Variants in RIPOR2 observed in about 807,000 individuals in gnomAD.
RIPOR2 encodes the protein rho family-interacting cell polarization regulator 2.
In RIPOR2, 39 loss-of-function variants were observed where a neutral mutation model predicts 114.5. The ratio of observed to expected loss-of-function variants is 0.34; its 90% CI spans 0.26 to 0.44. The LOEUF (loss-of-function observed/expected upper bound fraction) is 0.44. Among genes scored for constraint, RIPOR2 ranks in the 20% least tolerant of loss-of-function variants. The pLI, the probability that RIPOR2 is intolerant of heterozygous loss-of-function variation, is 1.00. For missense variants in RIPOR2, 1,007 were observed against 1,255.1 expected, an observed-to-expected ratio of 0.80 and a Z score of 2.99; for synonymous variants, 445 against 484.4, an observed-to-expected ratio of 0.92 and a Z score of 1.07.
intron 1 of RIPOR2, among the ~76,000 whole-genome samples, chr6:24,921,700 T>C (rs1397596210): frequency 6.6e-6 from 1 of 151,576 alleles, no homozygotes; most frequent in Non-Finnish European, 1.5e-5. Context: ...GTCTATTGTC[T>C]GCCTCGCTTC....
chr6:24,918,504 C>T (rs1490295479), intron 1 of RIPOR2, among the ~76,000 whole-genome samples: 1 of 152,192 alleles, frequency 6.6e-6, no homozygotes, highest in African/African-American at 2.4e-5. Context: ...CAAAGATCTT[C>T]CCAAAGTTTA....
At chr6:24,939,548 G>A (rs1288269492), upstream of RIPOR2, among the ~76,000 whole-genome samples, 2 of 152,180 alleles carry the variant, frequency 1.3e-5, no homozygotes, top group African/African-American at 4.8e-5. Flanking sequence ...CTCAAAAATA[G>A]CTCAAAATAG....
intron 1 of RIPOR2, among the ~76,000 whole-genome samples, chr6:24,968,639 G>A (rs1773641239): frequency 6.6e-6 from 1 of 152,196 alleles, no homozygotes; most frequent in South Asian, 2.1e-4. Flanking sequence ...CAAGGATGCT[G>A]CTAAACAGTA....
chr6:24,942,342 G>T (rs936300249), intron 1 of RIPOR2, among the ~76,000 whole-genome samples: 3 of 152,044 alleles, frequency 2.0e-5, no homozygotes, highest in Non-Finnish European at 4.4e-5. Flanking sequence ...TTTGACATAC[G>T]ATTGACAAAA....
chr6:24,976,511 G>GTGAC, intron 1 of RIPOR2: 1 of 1,581,978 alleles, frequency 6.3e-7, no homozygotes, highest in Non-Finnish European at 8.7e-7. Context: ...AAACCAAGAA[G>GTGAC]TGACTGCTCA....
At chr6:24,868,948 C>G in intron 6 of RIPOR2, 146 bp downstream of exon 6, 1 of 542,846 alleles carries the variant, frequency 1.8e-6, no homozygotes, top group Non-Finnish European at 3.4e-6. Flanking sequence ...ATCTTTAGTG[C>G]CCACTTGATG....
At chr6:24,904,798 G>A (rs1000837668) in intron 1 of RIPOR2, among the ~76,000 whole-genome samples, 13 of 152,110 alleles carry the variant, frequency 8.5e-5, no homozygotes, top group South Asian at 2.1e-4. Context: ...TTTTGGAGAC[G>A]GAGTCTCGCT....
At chr6:24,849,338 G>T (rs1162347578) in intron 11 of RIPOR2, among the ~76,000 whole-genome samples, 1 of 152,162 alleles carries the variant, frequency 6.6e-6, no homozygotes, top group Non-Finnish European at 1.5e-5. Flanking sequence ...CAGTGCAGAG[G>T]AACTAAGGAT....
At chr6:24,848,287 T>C in intron 11 of RIPOR2, 133 bp from the exon 12 acceptor site, 1 of 887,550 alleles carries the variant, frequency 1.1e-6, no homozygotes, top group Non-Finnish European at 1.7e-6. Context: ...TGGTTTTAGC[T>C]AAACTGCTTT....
chr6:25,024,258 G>A (rs1233125395), intron 1 of RIPOR2: 4 of 1,542,420 alleles, frequency 2.6e-6, no homozygotes, highest in African/African-American at 1.4e-5. Context: ...CTGGATGGCC[G>A]GCCAGATGAA....
chr6:24,971,738 G>A (rs935746770), intron 1 of RIPOR2, among the ~76,000 whole-genome samples: 2 of 152,318 alleles, frequency 1.3e-5, no homozygotes, highest in Non-Finnish European at 2.9e-5. Flanking sequence ...AGATCCCAAC[G>A]CCGGCAGGCA....
chr6:24,896,312 AG>A (rs1381281507), intron 1 of RIPOR2, among the ~76,000 whole-genome samples: 1 of 152,236 alleles, frequency 6.6e-6, no homozygotes, highest in Non-Finnish European at 1.5e-5. Context: ...AAAATTATAT[AG>A]GTCAATTAAT....
chr6:25,026,316 A>G (rs1776621826), intron 1 of RIPOR2, among the ~76,000 whole-genome samples: 1 of 152,244 alleles, frequency 6.6e-6, no homozygotes, highest in African/African-American at 2.4e-5. Flanking sequence ...TGTCACGTGT[A>G]TAAATGAGAG....
Position 24,986,855 on chromosome 6 carries a change from GGAA to G in RIPOR2, c.76+54993_76+54995del, listed in dbSNP as rs776644963. ...TCTTTTGGCTTCCCTGGGCCACACT[GGAA>G]GAAGAAGAATTGTCTTGGGCCACAC... On this transcript the variant is annotated intron_variant, in intron 1 of 13. Transcript: ENST00000510784. Among the ~76,000 whole-genome samples, 9 of 151,866 alleles carry G rather than the reference GGAA, an allele frequency of 5.9e-5. No homozygotes were observed. The East Asian group carries it at 1.2e-3, about 20-fold the overall frequency.
intron 1 of RIPOR2, among the ~76,000 whole-genome samples, chr6:24,928,873 CT>C (rs1259183380): frequency 6.6e-6 from 1 of 152,188 alleles, no homozygotes; most frequent in Non-Finnish European, 1.5e-5. Flanking sequence ...TGTGTTCTCT[CT>C]TCCTCAGTTT....
chr6:25,016,053 G>A (rs1057152015), intron 1 of RIPOR2, among the ~76,000 whole-genome samples: 2 of 151,546 alleles, frequency 1.3e-5, no homozygotes, highest in Non-Finnish European at 2.9e-5. Context: ...ACAGGCAGGC[G>A]CCATCATGCC....
At chr6:24,976,773 T>A in intron 1 of RIPOR2, 1 of 1,611,796 alleles carries the variant, frequency 6.2e-7, no homozygotes, top group Non-Finnish European at 8.5e-7. Context: ...GGTCCTGAAA[T>A]CTTGTCCATG....
At chr6:24,998,852 A>G (rs555715375) in intron 1 of RIPOR2, among the ~76,000 whole-genome samples, 1 of 147,544 alleles carries the variant, frequency 6.8e-6, no homozygotes, top group Non-Finnish European at 1.5e-5. Context: ...AACAGATTGG[A>G]CAATGTGGAA....
intron 1 of RIPOR2, among the ~76,000 whole-genome samples, chr6:25,016,671 A>C (rs544778472): frequency 3.3e-5 from 5 of 152,344 alleles, no homozygotes; most frequent in Admixed American, 6.5e-5. Context: ...GTCTGGCGAT[A>C]ATAAAGTTCC....
Sources: allele counts gnomAD v4.1 joint callset (sites outside exome capture counted in the v4.1 genomes callset), GRCh38; gene constraint gnomAD v4.1.1; transcripts MANE v1.5; gene names NCBI Gene and HGNC (gene_info 2026-07-23, HGNC 2026-07-21).